MTHFSD: variants seen among roughly 807,000 people sequenced by gnomAD.
The protein encoded by MTHFSD is methenyltetrahydrofolate synthase domain-containing protein.
MTHFSD carries 37 observed loss-of-function variants against 31.1 expected under a neutral mutation model. That is an observed-to-expected ratio of 1.19 (90% confidence interval 0.91 to 1.56). The LOEUF is 1.56. Among genes scored for constraint, MTHFSD ranks in the 40% most tolerant of loss-of-function variants. The probability of loss-of-function intolerance (pLI) is 0.00; values close to 1 mark genes in which losing one functional copy is unlikely to be tolerated. For synonymous variants in MTHFSD, 221 were observed against 206.9 expected (o/e 1.07, Z -0.59); for missense variants, 664 against 510.1 (o/e 1.30, Z -2.91).
chr16:86,532,430 G>C lies in MTHFSD; in HGVS notation c.733C>G (p.Arg245Gly). The C allele has an allele frequency of 6.8e-7, 1 of 1,473,486 alleles. No homozygotes were observed. The highest frequency in any genetic ancestry group is 9.0e-7 in the Non-Finnish European group (1 of 1,111,244). The allele number at this position is 1,473,486 out of a possible 1,614,324, so 91.3% of individuals were successfully genotyped here. A position where few individuals can be genotyped will look rare whatever the true frequency, so the allele number is the denominator to read the frequency against. ...ACATCCTTCCCAGCCTGCTGCTCTC[G>C]GGCGCGGAGGCTCCTCAGTATGGGG... ...KIPILRSLRA[R>G]EQQAGKDVTL... The change falls in exon 8 of 8, where the codon CGA becomes GGA. Residue 245 changes from arginine to glycine, a missense_variant. Transcript: ENST00000360900.
At chr16:86,552,838 G>T (rs957057370) in intron 2 of MTHFSD, among the ~76,000 whole-genome samples, 7 of 152,214 alleles carry the variant, frequency 4.6e-5, no homozygotes, top group Non-Finnish European at 7.3e-5. Flanking sequence ...AGCCAGGCTT[G>T]GGGAGAGGCA....
In MTHFSD at chr16:86,542,095, G is replaced by C. The variant is rs754276342; in HGVS notation, c.555+6C>G. 2 of 1,612,234 alleles carry C rather than the reference G, an allele frequency of 1.2e-6. No homozygotes were observed. Among genetic ancestry groups the C allele is most frequent in the East Asian group, 2.2e-5 (1 of 44,870 alleles). On this transcript the variant is annotated splice_donor_region_variant and intron_variant, in intron 6 of 7. Transcript: ENST00000360900. This position sits in a 1 kb window ranked among gnomAD's most constrained non-coding sequence, Gnocchi z 4.6. ...TGGCTCTGCTCAGCCCATTCATAAG[G>C]AGCACCTGGCAGTCGTGGACGATGG...
Position 86,554,756 on chromosome 16 carries a change from A to G in MTHFSD, c.17-5T>C, listed in dbSNP as rs764908703. 6.2e-7 allele frequency: 1 copy of G among 1,606,850 alleles called. No homozygotes were observed. The highest frequency in any genetic ancestry group is 2.2e-5 in the East Asian group (1 of 44,834). On this transcript the variant is annotated splice_region_variant and splice_polypyrimidine_tract_variant and intron_variant, in intron 1 of 7. Transcript: ENST00000360900. ...TGTCCTGTTTGGAGACACCTACTGC[A>G]ACAAAAGATTCCCACTTAATAACAT...
intron 7 of MTHFSD, chr16:86,540,909 C>T (rs986573392): frequency 3.5e-6 from 4 of 1,134,900 alleles, no homozygotes; most frequent in East Asian, 6.3e-5. Flanking sequence ...GGGAAAGTCC[C>T]GGCTGGGCTG....
chr16:86,532,183 CG>C lies in MTHFSD; in HGVS notation c.979del (p.Arg327GlyfsTer46). ...CCGCAGGGGCACGGAGCCGAGTTCC[CG>C]CAGGGCTCTCTTCAGGTCACTCACA... ...ARVSDLKRAL[R>X]ELGSVPLRLT... On this transcript the variant is annotated frameshift_variant, in exon 8 of 8. Transcript: ENST00000360900. LOFTEE classifies it low-confidence loss of function (END_TRUNC). The C allele has an allele frequency of 6.3e-7, 1 of 1,578,502 alleles. No homozygotes were observed. Among genetic ancestry groups the C allele is most frequent in the Non-Finnish European group, 8.6e-7 (1 of 1,162,282 alleles).
At chr16:86,547,741 G>T (rs945785843) in intron 4 of MTHFSD, among the ~76,000 whole-genome samples, 7 of 151,890 alleles carry the variant, frequency 4.6e-5, no homozygotes, top group African/African-American at 1.7e-4. Flanking sequence ...AATAAGCAGG[G>T]TGCTAATAAG....
intron 7 of MTHFSD, chr16:86,541,338 T>C: frequency 1.3e-6 from 1 of 779,266 alleles, no homozygotes; most frequent in South Asian, 1.8e-5. Context: ...ACCAATGAGA[T>C]AACACCAGGC....
At chr16:86,540,252 T>C (rs1971304693) in intron 7 of MTHFSD, among the ~76,000 whole-genome samples, 1 of 152,190 alleles carries the variant, frequency 6.6e-6, no homozygotes, top group South Asian at 2.1e-4. Flanking sequence ...CTGAGATTCT[T>C]GCTGAGGCCT....
At chr16:86,532,557 T>G in intron 7 of MTHFSD, 76 bp from the exon 8 acceptor site, 1 of 1,196,702 alleles carries the variant, frequency 8.4e-7, no homozygotes, top group Non-Finnish European at 1.1e-6. Context: ...TCCACACCTC[T>G]GACTACTGGC....
chr16:86,548,022 A>C (rs772017449), intron 4 of MTHFSD: 83 of 1,285,084 alleles, frequency 6.5e-5, no homozygotes, highest in Admixed American at 1.2e-4. Context: ...TGTAATTATC[A>C]GCAATTACTC....
chr16:86,542,436 G>A lies in MTHFSD; in HGVS notation c.443-223C>T. ...AACAACACGGCCAATGTCAGGTGGTGAAACTACAATGACGTGAACACTGGA... is the reference window on the plus strand; with the variant it reads ...AACAACACGGCCAATGTCAGGTGGTAAAACTACAATGACGTGAACACTGGA... On this transcript the variant is annotated intron_variant, in intron 5 of 7. Coordinates refer to ENST00000360900, the MANE Select transcript of MTHFSD (RefSeq NM_001159377.2). The surrounding 1 kb of genome is among the most constrained non-coding windows in gnomAD (Gnocchi z 4.6). The A allele has an allele frequency of 8.9e-6, 5 of 559,198 alleles. No individual in the cohort carries two copies. The highest frequency in any genetic ancestry group is 1.9e-5 in the African/African-American group (1 of 53,066). The allele number at this position is 559,198 out of a possible 1,614,324, so 34.6% of individuals were successfully genotyped here. A position where few individuals can be genotyped will look rare whatever the true frequency, so the allele number is the denominator to read the frequency against.
At position 86,532,412 on chromosome 16, in the gene MTHFSD, T is replaced by A; in HGVS notation, c.751A>T (p.Lys251Ter). Residue 251 changes from lysine (K) to a stop codon, truncating the protein, a stop_gained, in exon 8 of 8, where the codon AAG (lysine) becomes TAG (stop). Coordinates refer to ENST00000360900, the MANE Select transcript of MTHFSD (RefSeq NM_001159377.2). LOFTEE classifies it low-confidence loss of function (END_TRUNC). The stretch of plus-strand genomic sequence containing the variant: ...TGCTCACCCTGGAGGGTGACATCCT[T>A]CCCAGCCTGCTGCTCTCGGGCGCGG... ...SLRAREQQAG[K>*]DVTLQGEHQH... 1 of 1,503,620 alleles carries A rather than the reference T, an allele frequency of 6.7e-7. No individual in the cohort carries two copies. The highest frequency in any genetic ancestry group is 1.4e-5 in the African/African-American group (1 of 71,152). 93.1% of individuals were successfully genotyped at this position (1,503,620 alleles called of 1,614,324 possible).
intron 7 of MTHFSD, among the ~76,000 whole-genome samples, chr16:86,537,108 T>A (rs968060459): frequency 6.6e-6 from 1 of 152,214 alleles, no homozygotes; most frequent in African/African-American, 2.4e-5. Context: ...TTGGAAAATA[T>A]TGAACAAATT....
At chr16:86,541,488 C>G in intron 7 of MTHFSD, 1 of 737,214 alleles carries the variant, frequency 1.4e-6, no homozygotes, top group Non-Finnish European at 2.1e-6. Context: ...AACCTAGCTG[C>G]TTTTTCGAAT....
rs1969876886 is a variant in MTHFSD, at chr16:86,530,222, C to A, written c.*1789G>T. On this transcript the variant is annotated 3_prime_UTR_variant, in exon 8 of 8. Coordinates refer to ENST00000360900, the MANE Select transcript of MTHFSD (RefSeq NM_001159377.2). ...GATTTTATTTCAGGCACTTGCTCTT[C>A]AGTTTTTCTTACACGATGTTCCACA... 6.6e-6 allele frequency: 1 copy of A among 152,248 alleles called. No homozygotes were observed. The highest frequency in any genetic ancestry group is 2.4e-5 in the African/African-American group (1 of 41,452). The allele number at this position is 152,248 out of a possible 1,614,324, so 9.4% of individuals were successfully genotyped here.
chr16:86,554,552 C>T, intron 2 of MTHFSD, 93 bp downstream of exon 2: 1 of 994,238 alleles, frequency 1.0e-6, no homozygotes, highest in East Asian at 2.4e-5. Flanking sequence ...ACATTCTCAT[C>T]CACCATGACG....
chr16:86,552,233 G>C (rs548271577), intron 2 of MTHFSD, 87 bp from the exon 3 acceptor site: 11 of 1,612,738 alleles, frequency 6.8e-6, no homozygotes, highest in Non-Finnish European at 9.3e-6. Flanking sequence ...TTACTTTAAT[G>C]GTCCTGGCCG....
At position 86,548,566 on chromosome 16, in the gene MTHFSD, TG is replaced by T. The variant is rs758833771; in HGVS notation, c.248del (p.Thr83AsnfsTer9). 5 of 1,609,966 alleles carry T rather than the reference TG, an allele frequency of 3.1e-6. No individual in the cohort carries two copies. In the Admixed American group the frequency reaches 5.1e-5, roughly 16 times the overall value. On this transcript the variant is annotated frameshift_variant, in exon 4 of 8. Coordinates refer to ENST00000360900, the MANE Select transcript of MTHFSD (RefSeq NM_001159377.2). LOFTEE classifies it high-confidence loss of function. ...VRLLVLQSKK[T>X]LLVPTPRLRT... ...TCAGTCGTGGTGTTGGAACCAACAA[TG>T]TTTTTTTGCTCTTTTAAAGAAAAGA...
intron 7 of MTHFSD, chr16:86,535,148 C>G (rs1349336996): frequency 1.3e-6 from 1 of 762,390 alleles, no homozygotes; most frequent in South Asian, 5.9e-5. Flanking sequence ...ATGAAAACAT[C>G]TTAACCACAC....
Sources: gnomAD v4.1 joint callset for allele counts (sites outside exome capture counted in the v4.1 genomes callset) on GRCh38, gnomAD v4.1.1 for gene constraint, Gnocchi (gnomAD v3.1) non-coding constraint, MANE v1.5 for transcripts, NCBI Gene and HGNC (gene_info 2026-07-23, HGNC 2026-07-21) for gene names.